PAK2: variants seen among roughly 807,000 people sequenced by gnomAD.
PAK2 encodes the protein serine/threonine-protein kinase PAK 2.
PAK2 carries 21 observed loss-of-function variants against 65.9 expected under a neutral mutation model. The ratio of observed to expected loss-of-function variants is 0.32; its 90% CI spans 0.23 to 0.46. The LOEUF (loss-of-function observed/expected upper bound fraction) is 0.46, where lower values mean the gene tolerates loss of function less well. Ranked by LOEUF, PAK2 falls within the 20% of genes least tolerant of loss-of-function variation. The probability of loss-of-function intolerance (pLI) is 1.00; values close to 1 mark genes in which losing one functional copy is unlikely to be tolerated. For synonymous variants in PAK2, 204 were observed against 219.7 expected, an observed-to-expected ratio of 0.93 and a Z score of 0.63; for missense variants, 324 against 642.6, an observed-to-expected ratio of 0.50 and a Z score of 5.36.
chr3:196,749,321 G>A (rs183570418), intron 1 of PAK2, among the ~76,000 whole-genome samples: 1 of 152,042 alleles, frequency 6.6e-6, no homozygotes, highest in Non-Finnish European at 1.5e-5. Flanking sequence ...AGGAACTACC[G>A]TATTGCTTTC....
intron 14 of PAK2, among the ~76,000 whole-genome samples, chr3:196,828,081 C>A (rs6789365): frequency 0.079 from 7,621 of 96,220 alleles, 1,322 homozygotes; most frequent in African/African-American, 0.16. Context: ...CATCGTATCA[C>A]TCCTCAGACC....
At chr3:196,800,243 A>G (rs1715380587) in intron 2 of PAK2, among the ~76,000 whole-genome samples, 1 of 152,096 alleles carries the variant, frequency 6.6e-6, no homozygotes, top group Non-Finnish European at 1.5e-5. Flanking sequence ...TCAGCCTGGT[A>G]TGATGGTGCA....
At chr3:196,740,818 G>A (rs1426357936) in intron 1 of PAK2, among the ~76,000 whole-genome samples, 1 of 152,098 alleles carries the variant, frequency 6.6e-6, no homozygotes, top group Non-Finnish European at 1.5e-5. Flanking sequence ...GTGAAGTTAA[G>A]ATTGGTTTTT....
At chr3:196,742,099 CTTTTTTT>C (rs60738699) in intron 1 of PAK2, among the ~76,000 whole-genome samples, 1 of 129,030 alleles carries the variant, frequency 7.8e-6, no homozygotes, top group African/African-American at 2.9e-5. Context: ...ATTAATATTT[CTTTTTTT>C]TTTTTTTTTT....
chr3:196,776,218 A>G (rs1245721265), intron 1 of PAK2, among the ~76,000 whole-genome samples: 1 of 152,236 alleles, frequency 6.6e-6, no homozygotes, highest in Non-Finnish European at 1.5e-5. Context: ...TACCAAGGCC[A>G]TGGCCAAGTG....
At chr3:196,760,883 A>T (rs577320916) in intron 1 of PAK2, among the ~76,000 whole-genome samples, 1 of 152,288 alleles carries the variant, frequency 6.6e-6, no homozygotes, top group Admixed American at 6.5e-5. Context: ...ATAGTGTCAG[A>T]TAGGTACAGA....
At chr3:196,827,442 G>A (rs770932059) in intron 14 of PAK2, 109 bp downstream of exon 14, 61 of 1,509,286 alleles carry the variant, frequency 4.0e-5, no homozygotes, top group Non-Finnish European at 5.2e-5. Flanking sequence ...GATCACCAGC[G>A]GTATGGCAGC....
chr3:196,743,519 T>C (rs145714722), intron 1 of PAK2, among the ~76,000 whole-genome samples: 7 of 152,306 alleles, frequency 4.6e-5, no homozygotes, highest in Admixed American at 4.6e-4. Context: ...TGTTCTTACA[T>C]GCTGTAGAGT....
chr3:196,760,290 G>T (rs1486345707), intron 1 of PAK2, among the ~76,000 whole-genome samples: 1 of 151,828 alleles, frequency 6.6e-6, no homozygotes, highest in Non-Finnish European at 1.5e-5. Flanking sequence ...TTGCACTGTC[G>T]CCCAGGCTGG....
intron 1 of PAK2, among the ~76,000 whole-genome samples, chr3:196,761,860 CGGG>C (rs1713983535): frequency 6.7e-6 from 1 of 148,798 alleles, no homozygotes; most frequent in Admixed American, 6.8e-5. Context: ...CCCTCCCGGA[CGGG>C]GTGGCTGCCG....
chr3:196,825,436 G>A (rs888060048), intron 13 of PAK2, among the ~76,000 whole-genome samples: 5 of 151,902 alleles, frequency 3.3e-5, no homozygotes, highest in Non-Finnish European at 7.3e-5. Flanking sequence ...AAAGTTGGGA[G>A]TTTAAGACCA....
intron 1 of PAK2, among the ~76,000 whole-genome samples, chr3:196,767,442 A>G (rs1484934067): frequency 6.6e-6 from 1 of 152,134 alleles, no homozygotes; most frequent in Non-Finnish European, 1.5e-5. Context: ...ACTATAATAG[A>G]AAAAAAGAAA....
In PAK2 at chr3:196,820,756, T is replaced by A. The variant is rs1161289051; in HGVS notation, c.1350+189T>A. Among the ~76,000 whole-genome samples the A allele has an allele frequency of 6.6e-6, 1 of 152,208 alleles. No individual in the cohort carries two copies. On this transcript the variant is annotated intron_variant, in intron 13 of 14. Coordinates refer to ENST00000327134, the MANE Select transcript of PAK2 (RefSeq NM_002577.4). The surrounding 1 kb of genome is among the most constrained non-coding windows in gnomAD (Gnocchi z 4.6). ...AAATTAATGTGTTAGGTGAAGACTTTGTAGGTTTTTAGTAGTAAGCTGTAT... is the reference window on the plus strand; with the variant it reads ...AAATTAATGTGTTAGGTGAAGACTTAGTAGGTTTTTAGTAGTAAGCTGTAT...
chr3:196,790,760 G>T (rs6806616), intron 2 of PAK2, among the ~76,000 whole-genome samples: 6 of 152,050 alleles, frequency 3.9e-5, no homozygotes, highest in African/African-American at 7.2e-5. Context: ...AACTAGCCAA[G>T]GAAGCTTGCA....
At position 196,830,450 on chromosome 3, in the gene PAK2, C is replaced by T. The variant is rs1712036200; in HGVS notation, c.*2045C>T. ...TGGATTATGATAAAGAAGATGCTACCAATGAAATAGAAAACCAACGAGATG... is the reference window on the plus strand; with the variant it reads ...TGGATTATGATAAAGAAGATGCTACTAATGAAATAGAAAACCAACGAGATG... On this transcript the variant is annotated 3_prime_UTR_variant, in exon 15 of 15. Transcript: ENST00000327134. 6.6e-6 allele frequency: 1 copy of T among 151,816 alleles called. No individual in the cohort carries two copies. The highest frequency in any genetic ancestry group is 2.4e-5 in the African/African-American group (1 of 41,146). 9.4% of individuals were successfully genotyped at this position (151,816 alleles called of 1,614,324 possible). A position where few individuals can be genotyped will look rare whatever the true frequency, so the allele number is the denominator to read the frequency against.
At chr3:196,767,379 T>G (rs1057510363) in intron 1 of PAK2, among the ~76,000 whole-genome samples, 9 of 151,190 alleles carry the variant, frequency 6.0e-5, no homozygotes, top group African/African-American at 2.2e-4. Flanking sequence ...AATTGTAGAT[T>G]ATTAAACCTA....
At chr3:196,799,454 G>A (rs577292657) in intron 2 of PAK2, among the ~76,000 whole-genome samples, 1 of 152,244 alleles carries the variant, frequency 6.6e-6, no homozygotes, top group East Asian at 1.9e-4. Flanking sequence ...AAGAGGCGAC[G>A]CGAGTGCTCA....
intron 1 of PAK2, among the ~76,000 whole-genome samples, chr3:196,755,442 C>T (rs1713736024): frequency 6.9e-6 from 1 of 145,214 alleles, no homozygotes; most frequent in Non-Finnish European, 1.5e-5. Flanking sequence ...AGTGTTTACG[C>T]ATTTCTTCTT....
intron 1 of PAK2, among the ~76,000 whole-genome samples, chr3:196,776,354 C>T (rs1168435658): frequency 2.0e-5 from 3 of 152,160 alleles, no homozygotes; most frequent in African/African-American, 2.4e-5. Context: ...AAGTATGAAC[C>T]GTTGTCTTGG....
Sources: gnomAD v4.1 joint callset for allele counts (sites outside exome capture counted in the v4.1 genomes callset) on GRCh38, gnomAD v4.1.1 for gene constraint, Gnocchi (gnomAD v3.1) non-coding constraint, MANE v1.5 for transcripts, NCBI Gene and HGNC (gene_info 2026-07-23, HGNC 2026-07-21) for gene names.